MPHOSPH6: variants seen among roughly 807,000 people sequenced by gnomAD.
MPHOSPH6 encodes M-phase phosphoprotein 6.
MPHOSPH6 carries 25 observed loss-of-function variants against 21.8 expected under a neutral mutation model. The observed-to-expected ratio is 1.15, with a 90% CI of 0.83 to 1.60. The LOEUF (loss-of-function observed/expected upper bound fraction) is 1.60. Among genes scored for constraint, MPHOSPH6 ranks in the 40% most tolerant of loss-of-function variants. MPHOSPH6 has a pLI of 0.00. For synonymous variants in MPHOSPH6, 84 were observed against 56.5 expected (o/e 1.49, Z -2.18); for missense variants, 269 against 181.8 (o/e 1.48, Z -2.76).
intron 3 of MPHOSPH6, among the ~76,000 whole-genome samples, chr16:82,150,773 A>C (rs1384150379): frequency 6.6e-6 from 1 of 152,248 alleles, no homozygotes; most frequent in Non-Finnish European, 1.5e-5. Context: ...AAGGGCAAGA[A>C]ACACTGGCTT....
At chr16:82,164,791 C>T (rs777232760) in intron 1 of MPHOSPH6, 1 of 152,258 alleles carries the variant, frequency 6.6e-6, no homozygotes, top group East Asian at 1.9e-4. Context: ...AAAGGTACAT[C>T]TATAAGTCTG....
chr16:82,152,242 G>A (rs1906288349), intron 2 of MPHOSPH6, among the ~76,000 whole-genome samples: 1 of 152,152 alleles, frequency 6.6e-6, no homozygotes, highest in South Asian at 2.1e-4. Flanking sequence ...TTGGGGAACA[G>A]GTGGTTTTTT....
intron 2 of MPHOSPH6, among the ~76,000 whole-genome samples, chr16:82,157,550 A>T (rs1906466557): frequency 6.6e-6 from 1 of 152,372 alleles, no homozygotes; most frequent in African/African-American, 2.4e-5. Context: ...TGATAGGAGT[A>T]TGGTTTACAA....
chr16:82,168,365 C>CT (rs1378901296), intron 1 of MPHOSPH6, among the ~76,000 whole-genome samples: 2 of 152,080 alleles, frequency 1.3e-5, no homozygotes, highest in Non-Finnish European at 2.9e-5. Context: ...TTGACAAACT[C>CT]TAAGTTATGC....
At chr16:82,166,400 T>C (rs189565055) in intron 1 of MPHOSPH6, among the ~76,000 whole-genome samples, 22 of 152,304 alleles carry the variant, frequency 1.4e-4, no homozygotes, top group African/African-American at 4.8e-4. Flanking sequence ...CCTGGCAAAA[T>C]ATTTACTCTT....
At chr16:82,165,795 G>A (rs138315385) in intron 1 of MPHOSPH6, among the ~76,000 whole-genome samples, 474 of 38,448 alleles carry the variant, frequency 0.012, 3 homozygotes, top group African/African-American at 0.021. Context: ...CCAGGTTTGC[G>A]TAGATGAACC....
At chr16:82,163,264 G>A (rs1446632862) in intron 2 of MPHOSPH6, among the ~76,000 whole-genome samples, 1 of 152,210 alleles carries the variant, frequency 6.6e-6, no homozygotes, top group Non-Finnish European at 1.5e-5. Context: ...TTTGACCAAA[G>A]TTTAAGTAAA....
intron 2 of MPHOSPH6, among the ~76,000 whole-genome samples, chr16:82,156,975 C>A (rs920965837): frequency 5.3e-5 from 8 of 152,152 alleles, no homozygotes; most frequent in Non-Finnish European, 1.2e-4. Context: ...ACCGCTTGAA[C>A]CTGGGAAGCA....
chr16:82,163,021 C>T (rs1906654226), intron 2 of MPHOSPH6, among the ~76,000 whole-genome samples: 1 of 152,202 alleles, frequency 6.6e-6, no homozygotes, highest in Non-Finnish European at 1.5e-5. Context: ...TCTTCTCCCT[C>T]CTCACCAACA....
Position 82,148,598 on chromosome 16 carries a change from G to T in MPHOSPH6, c.*133C>A. 8.7e-7 allele frequency: 1 copy of T among 1,155,660 alleles called. No individual in the cohort carries two copies. The highest frequency in any genetic ancestry group is 1.2e-6 in the Non-Finnish European group (1 of 849,146). 71.6% of individuals were successfully genotyped at this position (1,155,660 alleles called of 1,614,324 possible). On this transcript the variant is annotated 3_prime_UTR_variant, in exon 5 of 5. Transcript: ENST00000258169. ...CACACATCTGTTTCAAAAACAGCAT[G>T]TTTCTAAAATGATAATCTCTTTACA...
intron 2 of MPHOSPH6, 60 bp from the exon 3 acceptor site, chr16:82,151,574 A>T: frequency 6.7e-7 from 1 of 1,492,628 alleles, no homozygotes; most frequent in Non-Finnish European, 8.9e-7. Context: ...ACAAAAGCCA[A>T]CACTTTGAAT....
intron 2 of MPHOSPH6, among the ~76,000 whole-genome samples, chr16:82,159,708 G>A (rs1906547171): frequency 6.6e-6 from 1 of 152,090 alleles, no homozygotes; most frequent in Non-Finnish European, 1.5e-5. Flanking sequence ...GCCCGGCCTA[G>A]GAGTTCTAAA....
intron 1 of MPHOSPH6, chr16:82,165,041 T>C (rs1052232654): frequency 5.9e-5 from 9 of 151,450 alleles, no homozygotes; most frequent in Non-Finnish European, 7.4e-5. Flanking sequence ...AGAAGCCTCC[T>C]AGCAGTTAGG....
rs1270619646 is a variant in MPHOSPH6 at position 82,148,792 on chromosome 16, T to G, written c.422A>C (p.Asp141Ala). The G allele has an allele frequency of 5.0e-6, 8 of 1,614,176 alleles. No homozygotes were observed. The East Asian group carries it at 1.8e-4, about 36-fold the overall frequency. The change falls in exon 5 of 5, where the codon GAT becomes GCT. Residue 141 changes from aspartate (D) to alanine (A), a missense_variant. Physicochemically the swap from Asp to Ala is moderately radical, Grantham distance 126. Transcript: ENST00000258169. ...AATTGGTGTTATGTCTCCATTTTCA[T>G]CTTCTTCATAATTGGCATGGTCTCT... ...RKRDHANYEE[D>A]ENGDITPIKA...
At chr16:82,163,505 G>C (rs896690840) in intron 2 of MPHOSPH6, among the ~76,000 whole-genome samples, 2 of 152,174 alleles carry the variant, frequency 1.3e-5, no homozygotes, top group African/African-American at 2.4e-5. Context: ...CTTAAGCTCA[G>C]TTCCTCAACT....
chr16:82,149,172 A>G, intron 4 of MPHOSPH6, 137 bp downstream of exon 4: 1 of 951,896 alleles, frequency 1.1e-6, no homozygotes, highest in Middle Eastern at 3.1e-4. Context: ...GGCCATTAAG[A>G]GAAGGCCGAT....
chr16:82,168,234 A>C (rs1906849894), intron 1 of MPHOSPH6, among the ~76,000 whole-genome samples: 1 of 152,134 alleles, frequency 6.6e-6, no homozygotes, highest in Non-Finnish European at 1.5e-5. Flanking sequence ...CAACTGCTAA[A>C]ATCTTTCCAA....
intron 3 of MPHOSPH6, among the ~76,000 whole-genome samples, chr16:82,149,910 T>TA (rs35817178): frequency 0.6 from 90,325 of 151,682 alleles, 27,437 homozygotes; most frequent in Non-Finnish European, 0.65. Flanking sequence ...CTTACCCTCC[T>TA]AAACTTTAGA....
At chr16:82,157,881 C>T (rs928571713) in intron 2 of MPHOSPH6, among the ~76,000 whole-genome samples, 1 of 152,140 alleles carries the variant, frequency 6.6e-6, no homozygotes, top group African/African-American at 2.4e-5. Flanking sequence ...GGAATGGAGA[C>T]AATGCAGAGT....
Sources: allele counts gnomAD v4.1 joint callset (sites outside exome capture counted in the v4.1 genomes callset), GRCh38; gene constraint gnomAD v4.1.1; transcripts MANE v1.5; gene names NCBI Gene and HGNC (gene_info 2026-07-23, HGNC 2026-07-21).